The following DOCK4 variants were observed in gnomAD, a reference collection of about 807,000 sequenced individuals.
DOCK4 encodes dedicator of cytokinesis 4, also known as dedicator of cytokinesis protein 4.
A neutral mutation model predicts 268.1 loss-of-function variants in DOCK4; 97 were observed. The ratio of observed to expected loss-of-function variants is 0.36; its 90% confidence interval spans 0.31 to 0.43. The LOEUF is 0.43. Among genes scored for constraint, DOCK4 ranks in the 20% least tolerant of loss-of-function variants. DOCK4 has a pLI of 1.00. For missense variants in DOCK4, 2,145 were observed against 2,455.7 expected (o/e 0.87, Z 2.67); for synonymous variants, 954 against 887.2 (o/e 1.08, Z -1.34).
At chr7:111,939,020 A>G (rs1166029666) in intron 11 of DOCK4, among the ~76,000 whole-genome samples, 1 of 151,070 alleles carries the variant, frequency 6.6e-6, no homozygotes, top group African/African-American at 2.4e-5. Context: ...GGACCCAGAG[A>G]AAGCCATGAA....
chr7:111,958,249 G>C (rs1215081747), intron 8 of DOCK4, among the ~76,000 whole-genome samples: 41 of 152,154 alleles, frequency 2.7e-4, no homozygotes. Flanking sequence ...TAGATGATGA[G>C]TGGGCAAAGT....
At chr7:112,105,062 T>C (rs528590251) in intron 1 of DOCK4, among the ~76,000 whole-genome samples, 28 of 152,274 alleles carry the variant, frequency 1.8e-4, no homozygotes, top group Non-Finnish European at 3.7e-4. Flanking sequence ...ATACTGGCCA[T>C]TGTCAGAAAC....
chr7:112,128,044 G>A (rs1813403916), intron 1 of DOCK4, among the ~76,000 whole-genome samples: 1 of 152,112 alleles, frequency 6.6e-6, no homozygotes, highest in African/African-American at 2.4e-5. Flanking sequence ...AGGGTGGAGG[G>A]CAGCCTAAGC....
chr7:112,185,962 T>A (rs534150835), intron 1 of DOCK4, among the ~76,000 whole-genome samples: 1 of 152,366 alleles, frequency 6.6e-6, no homozygotes, highest in East Asian at 1.9e-4. Context: ...GGCTGACGGC[T>A]GAAGCCCCTG....
chr7:112,103,892 GA>G (rs373203302), intron 1 of DOCK4, among the ~76,000 whole-genome samples: 1 of 151,576 alleles, frequency 6.6e-6, no homozygotes, highest in Non-Finnish European at 1.5e-5. Context: ...AATAAAAGAA[GA>G]AAAAAAATCC....
chr7:111,732,136 T>C, intron 52 of DOCK4, 90 bp downstream of exon 52: 1 of 1,344,948 alleles, frequency 7.4e-7, no homozygotes, highest in Non-Finnish European at 1.0e-6. Context: ...TCCCTGCAAA[T>C]TAAAGCACCT....
chr7:111,860,579 G>A (rs1262139260), intron 23 of DOCK4, among the ~76,000 whole-genome samples: 1 of 152,206 alleles, frequency 6.6e-6, no homozygotes. Context: ...CACACAACAT[G>A]AGCAGACAGG....
rs749811786 is a variant in DOCK4 at position 111,844,796 on chromosome 7, G to A, written c.2703C>T (p.Ser901=). ...LEITSRPQPS[S]SAMRFQFQDV... is the part of the protein sequence containing the mutation. Reference sequence around the variant, plus strand: ...CCTGGAACTGGAACCGCATTGCTGAGCTGGATGGCTGAGGTCGGCTGGTGA... The same window carrying A: ...CCTGGAACTGGAACCGCATTGCTGAACTGGATGGCTGAGGTCGGCTGGTGA... Residue 901 remains serine (S), a synonymous_variant, in exon 25 of 53, where the codon AGC becomes AGT. Coordinates refer to ENST00000428084, the MANE Select transcript of DOCK4 (RefSeq NM_001363540.2). 6.2e-7 allele frequency: 1 copy of A among 1,613,744 alleles called. No homozygotes were observed. The highest frequency in any genetic ancestry group is 1.7e-5 in the Admixed American group (1 of 59,990).
intron 1 of DOCK4, among the ~76,000 whole-genome samples, chr7:112,062,360 G>A (rs1204441780): frequency 1.3e-5 from 2 of 152,118 alleles, no homozygotes; most frequent in African/African-American, 2.4e-5. Context: ...AAAGTACTCC[G>A]AACATTAATA....
chr7:111,778,225 A>G (rs1798574909), intron 36 of DOCK4, 51 bp downstream of exon 36: 2 of 1,278,394 alleles, frequency 1.6e-6, no homozygotes, highest in African/African-American at 1.5e-5. Context: ...AGGAATGATC[A>G]TGATTAATAC....
intron 15 of DOCK4, among the ~76,000 whole-genome samples, chr7:111,898,136 T>G (rs1808920314): frequency 6.6e-6 from 1 of 152,156 alleles, no homozygotes; most frequent in African/African-American, 2.4e-5. Context: ...TCTTCTCAAT[T>G]CAAATAAAAT....
intron 25 of DOCK4, 98 bp from the exon 26 acceptor site, chr7:111,834,784 A>T: frequency 1.3e-6 from 1 of 767,332 alleles, no homozygotes; most frequent in South Asian, 2.4e-5. Flanking sequence ...AGAATAGGTT[A>T]AAATGAAATC....
Position 111,739,569 on chromosome 7 carries a change from A to G in DOCK4, c.5041-92T>C, listed in dbSNP as rs147760665. ...AAACAAAATCATCAACTTTTTTTCA[A>G]ATTAGCAACAAAAAGTCCGTTTAAC... On this transcript the variant is annotated intron_variant, in intron 47 of 52. Coordinates refer to ENST00000428084, the MANE Select transcript of DOCK4 (RefSeq NM_001363540.2). The G allele has an allele frequency of 4.1e-5, 46 of 1,133,472 alleles. No homozygotes were observed. The African/African-American group carries it at 4.8e-4, about 12-fold the overall frequency. The allele number at this position is 1,133,472 out of a possible 1,614,324, so 70.2% of individuals were successfully genotyped here. A position where few individuals can be genotyped will look rare whatever the true frequency, so the allele number is the denominator to read the frequency against.
intron 22 of DOCK4, 52 bp from the exon 23 acceptor site, chr7:111,863,616 A>G: frequency 1.3e-6 from 2 of 1,499,500 alleles, no homozygotes; most frequent in Non-Finnish European, 1.8e-6. Flanking sequence ...CATGAGAAAT[A>G]TGCTGCAAAA....
At chr7:111,794,626 T>TA (rs142126637) in intron 30 of DOCK4, among the ~76,000 whole-genome samples, 12,064 of 152,226 alleles carry the variant, frequency 0.079, 1,033 homozygotes, top group African/African-American at 0.21. Flanking sequence ...TAACATCTGT[T>TA]ACTTGTAAGC....
At chr7:111,741,063 A>C in intron 47 of DOCK4, 31 bp downstream of exon 47, 1 of 1,612,486 alleles carries the variant, frequency 6.2e-7, no homozygotes, top group Non-Finnish European at 8.5e-7. Context: ...AAAAGGAATA[A>C]ACACAACCAG....
intron 1 of DOCK4, among the ~76,000 whole-genome samples, chr7:112,150,751 A>G (rs1815980168): frequency 6.6e-6 from 1 of 152,078 alleles, no homozygotes. Flanking sequence ...CACCATCCTC[A>G]ACCTCCCCAA....
intron 1 of DOCK4, among the ~76,000 whole-genome samples, chr7:112,158,530 A>C (rs555426664): frequency 6.6e-6 from 1 of 152,322 alleles, no homozygotes; most frequent in African/African-American, 2.4e-5. Flanking sequence ...ATAATCTTCA[A>C]GATACTAGTT....
intron 8 of DOCK4, among the ~76,000 whole-genome samples, chr7:111,972,466 C>T (rs898462179): frequency 2.0e-5 from 3 of 152,112 alleles, no homozygotes; most frequent in Non-Finnish European, 4.4e-5. Context: ...TCAATAAATA[C>T]TGGCTGTTTG....
Sources: allele counts gnomAD v4.1 joint callset (sites outside exome capture counted in the v4.1 genomes callset), GRCh38; gene constraint gnomAD v4.1.1; transcripts MANE v1.5; gene names NCBI Gene and HGNC (gene_info 2026-07-23, HGNC 2026-07-21).